Variants in DIDO1 observed in about 807,000 individuals in gnomAD.
DIDO1 encodes death-inducer obliterator 1.
DIDO1 carries 16 observed loss-of-function variants against 99.4 expected under a neutral mutation model. The observed-to-expected ratio is 0.16, with a 90% CI of 0.11 to 0.24. The LOEUF (loss-of-function observed/expected upper bound fraction) is 0.24, where lower values mean the gene tolerates loss of function less well. Among genes scored for constraint, DIDO1 ranks in the 10% least tolerant of loss-of-function variants. DIDO1 has a pLI of 1.00. For missense variants in DIDO1, 2,996 were observed against 3,014.0 expected, an observed-to-expected ratio of 0.99 and a Z score of 0.14; for synonymous variants, 1,366 against 1,239.1, an observed-to-expected ratio of 1.10 and a Z score of -2.15.
upstream of DIDO1, among the ~76,000 whole-genome samples, chr20:62,929,823 T>TA (rs1255263744): frequency 6.6e-6 from 1 of 151,106 alleles, no homozygotes; most frequent in Non-Finnish European, 1.5e-5. Flanking sequence ...CAGCTAACTT[T>TA]AACAGTTAAT....
In DIDO1 at chr20:62,878,977, A is replaced by T; in HGVS notation, c.*256T>A. 1 of 401,062 alleles carries T rather than the reference A, an allele frequency of 2.5e-6. No individual in the cohort carries two copies. Among genetic ancestry groups the T allele is most frequent in the Non-Finnish European group, 4.4e-6 (1 of 229,760 alleles). 24.8% of individuals were successfully genotyped at this position (401,062 alleles called of 1,614,324 possible). A position where few individuals can be genotyped will look rare whatever the true frequency, so the allele number is the denominator to read the frequency against. ...TATTGGAAAAGATAACTATGATCTGAAAAGCAATATGCTCCGTAGGCAATT... is the reference window on the plus strand; with the variant it reads ...TATTGGAAAAGATAACTATGATCTGTAAAGCAATATGCTCCGTAGGCAATT... On this transcript the variant is annotated 3_prime_UTR_variant, in exon 16 of 16. Transcript: ENST00000395343.
Position 62,881,281 on chromosome 20 carries a change from C to T in DIDO1, c.4675G>A (p.Asp1559Asn), listed in dbSNP as rs776763195. ...GCCAGGCGCCTCGCCTGCCGGGGGTCCCTGTGGTTTGACGCCTGGCTGGCG... is the reference window on the plus strand; with the variant it reads ...GCCAGGCGCCTCGCCTGCCGGGGGTTCCTGTGGTTTGACGCCTGGCTGGCG... ...PPASQASNHR[D>N]PRQARRLATE... The change falls in exon 16 of 16, where the codon GAC (aspartate) becomes AAC (asparagine). Residue 1559 changes from aspartate to asparagine, a missense_variant. Physicochemically the swap from Asp to Asn is conservative, Grantham distance 23. Around this residue, in one of 5 missense-constraint regions of DIDO1, gnomAD observed 1,562 missense variants for 1,412.6 expected, o/e 1.11. Transcript: ENST00000395343. The surrounding 1 kb of genome is among the most constrained non-coding windows in gnomAD (Gnocchi z 8.3). 1.2e-6 allele frequency: 2 copies of T among 1,604,984 alleles called. No homozygotes were observed. Among genetic ancestry groups the T allele is most frequent in the African/African-American group, 2.7e-5 (2 of 74,906 alleles).
intron 6 of DIDO1, chr20:62,904,957 C>A: frequency 1.0e-6 from 1 of 981,394 alleles, no homozygotes; most frequent in Non-Finnish European, 1.2e-6. Flanking sequence ...CCTTTCGGTG[C>A]TTTTTAAAAA....
chr20:62,904,606 C>A (rs182116853), intron 6 of DIDO1, among the ~76,000 whole-genome samples: 1 of 151,788 alleles, frequency 6.6e-6, no homozygotes, highest in African/African-American at 2.4e-5. Flanking sequence ...CATGGTGAAA[C>A]CCCGTCTCTA....
chr20:62,917,460 T>C (rs1399058191), intron 1 of DIDO1, among the ~76,000 whole-genome samples: 1 of 152,190 alleles, frequency 6.6e-6, no homozygotes, highest in Admixed American at 6.5e-5. Context: ...TAGCAACAAA[T>C]ACTGTTCGTT....
At chr20:62,900,151 C>A (rs1009394802) in intron 6 of DIDO1, among the ~76,000 whole-genome samples, 2 of 152,240 alleles carry the variant, frequency 1.3e-5, no homozygotes, top group African/African-American at 4.8e-5. Flanking sequence ...CCTGGTCACA[C>A]CGCACAGCAC....
At chr20:62,907,853 G>A (rs928693314) in intron 4 of DIDO1, among the ~76,000 whole-genome samples, 3 of 152,242 alleles carry the variant, frequency 2.0e-5, no homozygotes, top group African/African-American at 7.2e-5. Flanking sequence ...GCTTTGAGAG[G>A]ATTAGCTGTG....
chr20:62,916,923 G>A (rs2065048029), intron 1 of DIDO1, among the ~76,000 whole-genome samples: 1 of 152,198 alleles, frequency 6.6e-6, no homozygotes, highest in Non-Finnish European at 1.5e-5. Flanking sequence ...CTCTGAACAC[G>A]TCCTTGCACT....
In DIDO1 at chr20:62,911,206, G is replaced by A; in HGVS notation, c.407C>T (p.Pro136Leu). ...TCCTTTCACCTTTTCAGAAGAGGCTGGTCGTTCCTTCACAGCTGTGGAAGC... is the reference window on the plus strand; with the variant it reads ...TCCTTTCACCTTTTCAGAAGAGGCTAGTCGTTCCTTCACAGCTGTGGAAGC... Reference protein sequence around the residue: ...QSASTAVKERPASSEKVKGGD... With the variant: ...QSASTAVKERLASSEKVKGGD... The change falls in exon 3 of 16, where the codon CCA (proline) becomes CTA (leucine). Residue 136 changes from proline to leucine, a missense_variant. Pro to Leu is a moderately conservative substitution (Grantham distance 98). Coordinates refer to ENST00000395343, the MANE Select transcript of DIDO1 (RefSeq NM_001193369.2). This position sits in a 1 kb window ranked among gnomAD's most constrained non-coding sequence, Gnocchi z 7.0. The A allele has an allele frequency of 6.2e-7, 1 of 1,613,804 alleles. No individual in the cohort carries two copies. The highest frequency in any genetic ancestry group is 8.5e-7 in the Non-Finnish European group (1 of 1,180,020).
chr20:62,897,540 C>T (rs1257822389), intron 6 of DIDO1, among the ~76,000 whole-genome samples: 1 of 152,198 alleles, frequency 6.6e-6, no homozygotes, highest in Non-Finnish European at 1.5e-5. Context: ...TGGCATACAC[C>T]TGAACCACAG....
At chr20:62,924,179 A>G (rs574908754) in intron 1 of DIDO1, among the ~76,000 whole-genome samples, 1 of 152,332 alleles carries the variant, frequency 6.6e-6, no homozygotes, top group South Asian at 2.1e-4. Context: ...AAAAAGGCTG[A>G]TCTTAGTATC....
chr20:62,927,186 C>T (rs958130396), upstream of DIDO1, among the ~76,000 whole-genome samples: 9 of 152,152 alleles, frequency 5.9e-5, no homozygotes, highest in Admixed American at 6.5e-5. Flanking sequence ...GGGACCTTGG[C>T]GGTGTGGTCC....
upstream of DIDO1, among the ~76,000 whole-genome samples, chr20:62,929,692 A>AAAAAAAAATATATATATATAT: frequency 3.0e-3 from 194 of 63,700 alleles, no homozygotes; most frequent in African/African-American, 0.014. Flanking sequence ...AAAAAGAAAA[A>AAAAAAAAATATATATATATAT]GTGTATATAT....
chr20:62,898,452 G>A (rs914650753), intron 6 of DIDO1, among the ~76,000 whole-genome samples: 3 of 152,126 alleles, frequency 2.0e-5, no homozygotes, highest in Non-Finnish European at 2.9e-5. Flanking sequence ...CGGTGTCACT[G>A]TTAACAGATA....
At chr20:62,917,788 C>T (rs955386871) in intron 1 of DIDO1, among the ~76,000 whole-genome samples, 2 of 152,222 alleles carry the variant, frequency 1.3e-5, no homozygotes, top group Non-Finnish European at 2.9e-5. Flanking sequence ...TGCCCATGCA[C>T]GGTGCTGAAG....
chr20:62,924,705 G>A (rs1209170919), intron 1 of DIDO1, among the ~76,000 whole-genome samples: 1 of 152,168 alleles, frequency 6.6e-6, no homozygotes, highest in Non-Finnish European at 1.5e-5. Context: ...CCTTTGCGAG[G>A]CTCACATATG....
intron 1 of DIDO1, among the ~76,000 whole-genome samples, chr20:62,937,227 C>A (rs552295496): frequency 3.9e-5 from 6 of 152,374 alleles, no homozygotes; most frequent in African/African-American, 1.4e-4. Context: ...TCCTTCGGCT[C>A]TATCAAATAT....
rs200400072 is a variant in DIDO1 at position 62,911,661 on chromosome 20, A to C, written c.-2-47T>G. On this transcript the variant is annotated intron_variant, in intron 2 of 15. Coordinates refer to ENST00000395343, the MANE Select transcript of DIDO1 (RefSeq NM_001193369.2). This position sits in a 1 kb window ranked among gnomAD's most constrained non-coding sequence, Gnocchi z 7.0. ...ATAGTGACCAACTGACCACAGAACA[A>C]AAGGTGACATTGCCGCCAAACACGC... is the stretch of plus-strand genomic sequence containing the variant. The C allele has an allele frequency of 1.7e-3, 2,543 of 1,484,570 alleles. 7 individuals carry two copies. Among genetic ancestry groups the C allele is most frequent in the South Asian group, 3.9e-3 (277 of 71,320 alleles). The allele number at this position is 1,484,570 out of a possible 1,614,324, so 92.0% of individuals were successfully genotyped here. A position where few individuals can be genotyped will look rare whatever the true frequency, so the allele number is the denominator to read the frequency against.
At chr20:62,930,091 T>G (rs1480651130), upstream of DIDO1, among the ~76,000 whole-genome samples, 1 of 151,948 alleles carries the variant, frequency 6.6e-6, no homozygotes, top group Non-Finnish European at 1.5e-5. Context: ...AATACAAAAA[T>G]TAGCCGGGCG....
Sources: allele counts gnomAD v4.1 joint callset (sites outside exome capture counted in the v4.1 genomes callset), GRCh38; gene constraint gnomAD v4.1.1; regional missense constraint gnomAD v4.1.1; non-coding constraint Gnocchi (gnomAD v3.1); transcripts MANE v1.5; gene names NCBI Gene and HGNC (gene_info 2026-07-23, HGNC 2026-07-21).